The following TRAPPC9 variants were observed in gnomAD, a reference collection of about 807,000 sequenced individuals.
TRAPPC9 encodes the protein IKK2 binding protein.
TRAPPC9 carries 83 observed loss-of-function variants against 124.0 expected under a neutral mutation model. That is an observed-to-expected ratio of 0.67 (90% CI 0.56 to 0.80). The LOEUF (loss-of-function observed/expected upper bound fraction) is 0.80. Ranked by LOEUF, TRAPPC9 falls within the 30% of genes least tolerant of loss-of-function variation. The pLI, the probability that TRAPPC9 is intolerant of heterozygous loss-of-function variation, is 0.00. For missense variants in TRAPPC9, 1,302 were observed against 1,508.3 expected, an observed-to-expected ratio of 0.86 and a Z score of 2.27; for synonymous variants, 638 against 617.5, an observed-to-expected ratio of 1.03 and a Z score of -0.49.
chr8:140,211,605 C>A (rs1244223965), intron 17 of TRAPPC9, among the ~76,000 whole-genome samples: 4 of 152,216 alleles, frequency 2.6e-5, no homozygotes, highest in African/African-American at 4.8e-5. Flanking sequence ...AAACATCCCA[C>A]AATTCTTTAT....
chr8:140,046,438 G>A (rs1453187265), intron 17 of TRAPPC9, among the ~76,000 whole-genome samples: 5 of 152,234 alleles, frequency 3.3e-5, no homozygotes, highest in Admixed American at 6.5e-5. Flanking sequence ...CACAGCCGCC[G>A]ACTCCCTCCC....
intron 21 of TRAPPC9, among the ~76,000 whole-genome samples, chr8:139,860,469 C>T (rs907599821): frequency 6.6e-6 from 1 of 152,208 alleles, no homozygotes; most frequent in African/African-American, 2.4e-5. Context: ...ATAGTCACCC[C>T]CAATGCCAGG....
rs543802964 is a variant in TRAPPC9, at chr8:140,186,678, C to T, written c.2556+34781G>A. Among the ~76,000 whole-genome samples, 9 of 152,228 alleles carry T rather than the reference C, an allele frequency of 5.9e-5. 1 individual carries two copies. Among genetic ancestry groups the T allele is most frequent in the African/African-American group, 1.2e-4 (5 of 41,534 alleles). Reference sequence around the variant, plus strand: ...TCTTCACTGTATACTTCACCAAATACGAGGTTTCTGCATCTCTTCATTACT... The same window carrying T: ...TCTTCACTGTATACTTCACCAAATATGAGGTTTCTGCATCTCTTCATTACT... On this transcript the variant is annotated intron_variant, in intron 17 of 22. Coordinates refer to ENST00000438773, the MANE Select transcript of TRAPPC9 (RefSeq NM_001160372.4).
intron 2 of TRAPPC9, among the ~76,000 whole-genome samples, chr8:140,446,202 G>A (rs1380728391): frequency 1.4e-5 from 2 of 147,752 alleles, no homozygotes; most frequent in Admixed American, 1.4e-4. Context: ...GCTGAAGCAG[G>A]AGAATTGCTT....
At chr8:140,299,952 T>C (rs2065918329) in intron 11 of TRAPPC9, among the ~76,000 whole-genome samples, 1 of 152,224 alleles carries the variant, frequency 6.6e-6, no homozygotes, top group East Asian at 1.9e-4. Flanking sequence ...AATCTTTCTC[T>C]GATGACTCAG....
chr8:140,264,178 T>A (rs1477590884), intron 15 of TRAPPC9, among the ~76,000 whole-genome samples: 1 of 152,190 alleles, frequency 6.6e-6, no homozygotes, highest in Non-Finnish European at 1.5e-5. Context: ...GTAGCTCTCA[T>A]ATGGCACTTC....
At chr8:140,441,536 T>A (rs1356039783) in intron 2 of TRAPPC9, among the ~76,000 whole-genome samples, 2 of 152,140 alleles carry the variant, frequency 1.3e-5, no homozygotes, top group African/African-American at 2.4e-5. Context: ...AAGAAGTAAA[T>A]TAGGTCAGGC....
intron 17 of TRAPPC9, among the ~76,000 whole-genome samples, chr8:140,210,045 T>C (rs1438004221): frequency 1.3e-5 from 2 of 152,360 alleles, no homozygotes; most frequent in African/African-American, 4.8e-5. Context: ...GGAAGTAATC[T>C]GTAAACACTG....
chr8:140,419,428 C>CAAAAAAAAAAAAAAAAAAAAA (rs61155157), intron 5 of TRAPPC9, among the ~76,000 whole-genome samples: 2 of 79,590 alleles, frequency 2.5e-5, no homozygotes, highest in African/African-American at 4.2e-5. Context: ...GACTCCGTCT[C>CAAAAAAAAAAAAAAAAAAAAA]AAAAAAAAAA....
Position 140,450,810 on chromosome 8 carries a change from T to C in TRAPPC9, c.564A>G (p.Val188=), listed in dbSNP as rs150743393. 472 of 1,610,588 alleles carry C rather than the reference T, an allele frequency of 2.9e-4. 1 individual carries two copies. Among genetic ancestry groups the C allele is most frequent in the Admixed American group, 6.9e-4 (41 of 59,684 alleles). The part of the protein sequence containing the change: ...LCVPFEKKDF[V]GLDTDSRHYK... ...CTTACCTGCTGTCTGTGTCCAGTCC[T>C]ACAAAGTCCTTTTTCTCAAACGGGA... is the stretch of plus-strand genomic sequence containing the variant. Residue 188 remains valine (V), a synonymous_variant, in exon 2 of 23, where the codon GTA becomes GTG. Coordinates refer to ENST00000438773, the MANE Select transcript of TRAPPC9 (RefSeq NM_001160372.4).
rs564784232 is a variant in TRAPPC9 at position 140,369,652 on chromosome 8, T to TA, written c.1351+1311dup. ...AGTGAAATGGATGGACATGACCACA[T>TA]AAAAAAGATACTGAAGAGGCCGGGC... On this transcript the variant is annotated intron_variant, in intron 8 of 22. Coordinates refer to ENST00000438773, the MANE Select transcript of TRAPPC9 (RefSeq NM_001160372.4). Among the ~76,000 whole-genome samples the TA allele has an allele frequency of 5.5e-3, 837 of 152,058 alleles. 1 individual carries two copies. Among genetic ancestry groups the TA allele is most frequent in the South Asian group, 0.015 (73 of 4,812 alleles).
chr8:140,143,798 GATTT>G (rs1457780180), intron 17 of TRAPPC9, among the ~76,000 whole-genome samples: 10 of 152,246 alleles, frequency 6.6e-5, no homozygotes, highest in African/African-American at 1.7e-4. Flanking sequence ...TTCTTCCACT[GATTT>G]ATAATGCCCC....
rs1426309942 is a variant in TRAPPC9 at position 139,897,694 on chromosome 8, TA to T, written c.2965-11726del. 3.3e-5 allele frequency among the ~76,000 whole-genome samples: 5 copies of T among 152,234 alleles called. No individual in the cohort carries two copies. The South Asian group carries it at 1.0e-3, about 32-fold the overall frequency. On this transcript the variant is annotated intron_variant, in intron 20 of 22. Coordinates refer to ENST00000438773, the MANE Select transcript of TRAPPC9 (RefSeq NM_001160372.4). ...CCAAAGCCACACAGCCAGAAAGGGG[TA>T]GATTCAAACTCACCCCAGTGGGGTT...
chr8:139,753,586 T>A (rs1197334160), intron 21 of TRAPPC9, among the ~76,000 whole-genome samples: 1 of 152,242 alleles, frequency 6.6e-6, no homozygotes, highest in Non-Finnish European at 1.5e-5. Context: ...ATGCAGTAAG[T>A]CATTGCTGCA....
chr8:140,055,137 C>T (rs1409693664), intron 17 of TRAPPC9, among the ~76,000 whole-genome samples: 1 of 152,074 alleles, frequency 6.6e-6, no homozygotes, highest in Admixed American at 6.6e-5. Context: ...GCAAAAATCA[C>T]CAATAAAATA....
At chr8:140,201,837 A>T (rs2062797433) in intron 17 of TRAPPC9, among the ~76,000 whole-genome samples, 1 of 152,178 alleles carries the variant, frequency 6.6e-6, no homozygotes, top group South Asian at 2.1e-4. Flanking sequence ...GATGATGACC[A>T]AGCTTGGCAC....
intron 17 of TRAPPC9, among the ~76,000 whole-genome samples, chr8:140,115,954 T>C (rs1277877565): frequency 1.3e-5 from 2 of 152,116 alleles, no homozygotes; most frequent in African/African-American, 4.8e-5. Context: ...TTATGATTAT[T>C]ACTGGGGGAA....
chr8:139,830,798 G>A (rs913295763), intron 21 of TRAPPC9, among the ~76,000 whole-genome samples: 26 of 152,330 alleles, frequency 1.7e-4, no homozygotes, highest in Middle Eastern at 6.8e-3. Context: ...CAGGGAGCCC[G>A]GAAGCCTCTC....
intron 21 of TRAPPC9, among the ~76,000 whole-genome samples, chr8:139,766,455 T>C (rs1820591223): frequency 6.6e-6 from 1 of 152,224 alleles, no homozygotes; most frequent in South Asian, 2.1e-4. Flanking sequence ...GGAGCCTCTC[T>C]CCCCAGGTTG....
Sources: gnomAD v4.1 joint callset for allele counts (sites outside exome capture counted in the v4.1 genomes callset) on GRCh38, gnomAD v4.1.1 for gene constraint, MANE v1.5 for transcripts, NCBI Gene and HGNC (gene_info 2026-07-23, HGNC 2026-07-21) for gene names.